KHDRBS2: variants seen among roughly 807,000 people sequenced by gnomAD.
The protein encoded by KHDRBS2 is KH domain-containing, RNA-binding, signal transduction-associated protein 2.
In KHDRBS2, 26 loss-of-function variants were observed where a neutral mutation model predicts 44.3. The ratio of observed to expected loss-of-function variants is 0.59; its 90% CI spans 0.43 to 0.81. The LOEUF (loss-of-function observed/expected upper bound fraction) is 0.81. Ranked by LOEUF, KHDRBS2 falls within the 40% of genes least tolerant of loss-of-function variation. KHDRBS2 has a pLI of 0.00. For missense variants in KHDRBS2, 476 were observed against 433.1 expected (o/e 1.10, Z -0.88); for synonymous variants, 194 against 151.1 (o/e 1.28, Z -2.08).
intron 1 of KHDRBS2, among the ~76,000 whole-genome samples, chr6:62,237,681 T>G (rs1833914805): frequency 6.6e-6 from 1 of 152,148 alleles, no homozygotes; most frequent in Admixed American, 6.6e-5. Context: ...TCATTCCCAC[T>G]AGAGGGAAAA....
chr6:61,631,305 CA>C, the KHDRBS2 span, among the ~76,000 whole-genome samples: 309 of 66,946 alleles, frequency 4.6e-3, no homozygotes, highest in African/African-American at 0.011. Flanking sequence ...ACGAATAAGC[CA>C]AAAAAAAAAA....
intron 6 of KHDRBS2, among the ~76,000 whole-genome samples, chr6:61,759,411 T>G (rs1222961757): frequency 6.6e-6 from 1 of 152,204 alleles, no homozygotes; most frequent in African/African-American, 2.4e-5. Flanking sequence ...CATTTCTAAA[T>G]GTATTTAAGA....
At chr6:61,974,788 G>T (rs1243793945) in intron 4 of KHDRBS2, among the ~76,000 whole-genome samples, 1 of 151,756 alleles carries the variant, frequency 6.6e-6, no homozygotes, top group Non-Finnish European at 1.5e-5. Context: ...AAAATTAGCT[G>T]GGCATGGTAA....
chr6:61,554,851 C>T, the KHDRBS2 span, among the ~76,000 whole-genome samples: 1 of 152,190 alleles, frequency 6.6e-6, no homozygotes, highest in South Asian at 2.1e-4. Flanking sequence ...CCCCTTCTGG[C>T]TTATAGGATT....
At chr6:61,812,145 T>C (rs1269012297) in intron 6 of KHDRBS2, among the ~76,000 whole-genome samples, 2 of 152,036 alleles carry the variant, frequency 1.3e-5, no homozygotes, top group Non-Finnish European at 2.9e-5. Context: ...CCTTCCTTTA[T>C]AACCACAGTG....
At chr6:62,107,016 C>T (rs2127379315) in intron 2 of KHDRBS2, among the ~76,000 whole-genome samples, 1 of 152,178 alleles carries the variant, frequency 6.6e-6, no homozygotes, top group Middle Eastern at 3.4e-3. Context: ...GGAAACACTC[C>T]CTTTGAAAAC....
the KHDRBS2 span, among the ~76,000 whole-genome samples, chr6:61,669,871 A>T: frequency 2.3e-3 from 348 of 151,200 alleles, 2 homozygotes; most frequent in African/African-American, 8.2e-3. Flanking sequence ...ACACAAATCA[A>T]CCTATTGGAA....
intron 7 of KHDRBS2, among the ~76,000 whole-genome samples, chr6:61,718,649 A>C (rs1483813576): frequency 6.6e-6 from 1 of 151,626 alleles, no homozygotes; most frequent in African/African-American, 2.4e-5. Flanking sequence ...CAGGATAGAA[A>C]CTCCCTGTAC....
At chr6:61,619,529 A>G in the KHDRBS2 span, among the ~76,000 whole-genome samples, 1 of 152,164 alleles carries the variant, frequency 6.6e-6, no homozygotes, top group South Asian at 2.1e-4. Context: ...ACCTCAGCTC[A>G]CTGCAACCTC....
intron 6 of KHDRBS2, among the ~76,000 whole-genome samples, chr6:61,854,713 T>C (rs1795916038): frequency 6.6e-6 from 1 of 152,192 alleles, no homozygotes; most frequent in African/African-American, 2.4e-5. Flanking sequence ...AATAGATTGC[T>C]TTTGAAGATG....
chr6:62,277,576 T>C (rs1841153569), intron 1 of KHDRBS2, among the ~76,000 whole-genome samples: 1 of 152,126 alleles, frequency 6.6e-6, no homozygotes, highest in South Asian at 2.1e-4. Context: ...TCTCCTGACC[T>C]TGTGATCCAC....
At chr6:61,629,261 C>T in the KHDRBS2 span, among the ~76,000 whole-genome samples, 1 of 152,128 alleles carries the variant, frequency 6.6e-6, no homozygotes, top group African/African-American at 2.4e-5. Context: ...AGCAAAATTG[C>T]ACCTTTAAGT....
chr6:61,987,530 A>G (rs1775280093), intron 3 of KHDRBS2, among the ~76,000 whole-genome samples: 1 of 152,172 alleles, frequency 6.6e-6, no homozygotes, highest in Non-Finnish European at 1.5e-5. Flanking sequence ...ACTTTCTTTT[A>G]ACATAAATCT....
chr6:61,727,776 C>T (rs141095767), intron 7 of KHDRBS2, among the ~76,000 whole-genome samples: 46 of 151,806 alleles, frequency 3.0e-4, no homozygotes, highest in Middle Eastern at 3.4e-3. Flanking sequence ...AGTCAAAAAA[C>T]ATGCTCGTGA....
At chr6:61,569,346 C>A in the KHDRBS2 span, among the ~76,000 whole-genome samples, 1 of 152,128 alleles carries the variant, frequency 6.6e-6, no homozygotes, top group African/African-American at 2.4e-5. Flanking sequence ...CTCTTAGGGG[C>A]TTTATGGCCC....
intron 2 of KHDRBS2, among the ~76,000 whole-genome samples, chr6:62,073,350 T>A (rs1286014214): frequency 6.6e-6 from 1 of 151,594 alleles, no homozygotes; most frequent in Non-Finnish European, 1.5e-5. Context: ...TGGCATGCTG[T>A]TGTTTGTAAT....
At chr6:61,658,874 TA>T in the KHDRBS2 span, among the ~76,000 whole-genome samples, 89,536 of 151,646 alleles carry the variant, frequency 0.59, 26,641 homozygotes, top group African/African-American at 0.61. Flanking sequence ...TACTCTGCAC[TA>T]GTAAAAATTT....
chr6:61,814,356 A>T (rs1788576595), intron 6 of KHDRBS2, among the ~76,000 whole-genome samples: 1 of 152,140 alleles, frequency 6.6e-6, no homozygotes, highest in South Asian at 2.1e-4. Flanking sequence ...TCGTGCCTGA[A>T]ATCCCAGTTT....
chr6:61,877,471 C>G (rs545639035), intron 6 of KHDRBS2, among the ~76,000 whole-genome samples: 2 of 149,908 alleles, frequency 1.3e-5, no homozygotes, highest in South Asian at 4.2e-4. Flanking sequence ...GTTTTTCCCT[C>G]TCCCTTTCCC....
Sources: gnomAD v4.1 joint callset for allele counts (sites outside exome capture counted in the v4.1 genomes callset) on GRCh38, gnomAD v4.1.1 for gene constraint, MANE v1.5 for transcripts, NCBI Gene and HGNC (gene_info 2026-07-23, HGNC 2026-07-21) for gene names.